The following ZNF277 variants were observed in gnomAD, a reference collection of about 807,000 sequenced individuals.
ZNF277 encodes the protein zinc finger protein 277.
ZNF277 carries 55 observed loss-of-function variants against 60.7 expected under a neutral mutation model. The ratio of observed to expected loss-of-function variants is 0.91; its 90% CI spans 0.73 to 1.13. The LOEUF is 1.13. ZNF277 is among the 50% of genes most tolerant of loss of function. The pLI, the probability that ZNF277 is intolerant of heterozygous loss-of-function variation, is 0.00. For synonymous variants in ZNF277, 178 were observed against 179.3 expected (o/e 0.99, Z 0.06); for missense variants, 510 against 523.0 (o/e 0.98, Z 0.24).
intron 7 of ZNF277, 121 bp downstream of exon 7, chr7:112,330,337 C>T (rs1414195664): frequency 7.7e-6 from 7 of 912,700 alleles, no homozygotes; most frequent in African/African-American, 3.3e-5. Flanking sequence ...TTGAGGGGCA[C>T]ATTCAAGTAG....
intron 4 of ZNF277, among the ~76,000 whole-genome samples, chr7:112,297,359 G>T (rs1056610153): frequency 1.3e-5 from 2 of 151,970 alleles, no homozygotes; most frequent in African/African-American, 4.8e-5. Context: ...TGTTCCTTTA[G>T]TGATTTCTTG....
At chr7:112,218,359 A>G (rs1331850338) in intron 1 of ZNF277, among the ~76,000 whole-genome samples, 1 of 152,190 alleles carries the variant, frequency 6.6e-6, no homozygotes, top group Non-Finnish European at 1.5e-5. Flanking sequence ...GAATTTTTTA[A>G]TTGACAACTA....
At chr7:112,240,713 T>G (rs1408715773) in intron 1 of ZNF277, among the ~76,000 whole-genome samples, 1 of 152,104 alleles carries the variant, frequency 6.6e-6, no homozygotes, top group Non-Finnish European at 1.5e-5. Context: ...ACATTTACAG[T>G]GAACTCATTT....
chr7:112,329,018 G>C (rs1793166636), intron 6 of ZNF277, among the ~76,000 whole-genome samples: 1 of 152,054 alleles, frequency 6.6e-6, no homozygotes, highest in African/African-American at 2.4e-5. Context: ...AAGACCAGAT[G>C]TGCCTTCTAG....
intron 1 of ZNF277, among the ~76,000 whole-genome samples, chr7:112,219,175 C>T (rs78430270): frequency 0.012 from 1,897 of 152,250 alleles, 17 homozygotes; most frequent in Middle Eastern, 0.048. Flanking sequence ...GATATCTCTT[C>T]ATGATTTTAA....
intron 1 of ZNF277, among the ~76,000 whole-genome samples, chr7:112,258,020 C>G (rs1791362567): frequency 6.6e-6 from 1 of 151,886 alleles, no homozygotes; most frequent in Non-Finnish European, 1.5e-5. Context: ...GCTATGTTAC[C>G]CAGGCTGGCA....
At chr7:112,338,853 T>C (rs1028995401) in intron 9 of ZNF277, among the ~76,000 whole-genome samples, 2 of 152,206 alleles carry the variant, frequency 1.3e-5, no homozygotes, top group African/African-American at 4.8e-5. Context: ...CTCTGCTGGG[T>C]CACTTTCAGT....
rs1234740820 is a variant in ZNF277, at chr7:112,213,382, A to G, written c.91+6575A>G. Among the ~76,000 whole-genome samples, 8 of 152,196 alleles carry G rather than the reference A, an allele frequency of 5.3e-5. No individual in the cohort carries two copies. In the East Asian group the frequency reaches 1.5e-3, roughly 29 times the overall value. ...TAATACATTTTGTATAAGGTTCTGA[A>G]GAGGCCTTATTTAAAGCATTCTTTT... On this transcript the variant is annotated intron_variant, in intron 1 of 11. Coordinates refer to ENST00000361822, the MANE Select transcript of ZNF277 (RefSeq NM_021994.3).
chr7:112,231,084 G>A (rs1822314425), intron 1 of ZNF277, among the ~76,000 whole-genome samples: 1 of 152,026 alleles, frequency 6.6e-6, no homozygotes, highest in South Asian at 2.1e-4. Context: ...CGTGGTGGCA[G>A]GCACCTATAA....
In ZNF277 at chr7:112,322,502, G is replaced by T. The variant is rs535372671; in HGVS notation, c.557+4229G>T. Among the ~76,000 whole-genome samples, 11 of 150,738 alleles carry T rather than the reference G, an allele frequency of 7.3e-5. No homozygotes were observed. The South Asian group carries it at 1.9e-3, about 26-fold the overall frequency. ...ACTTTAAAATCCAAAATTTCTATTG[G>T]TTGTCTTTTTAAAAAAAATACTTTC... On this transcript the variant is annotated intron_variant, in intron 5 of 11. Transcript: ENST00000361822.
chr7:112,298,066 T>C (rs1307736311), intron 4 of ZNF277, among the ~76,000 whole-genome samples: 1 of 152,210 alleles, frequency 6.6e-6, no homozygotes, highest in Non-Finnish European at 1.5e-5. Flanking sequence ...AATCCATACA[T>C]GCTCGTTGAA....
At position 112,341,020 on chromosome 7, in the gene ZNF277, C is replaced by T. The variant is rs570761505; in HGVS notation, c.1158C>T (p.Pro386=). ...MEETKHTSLL[P]DRKTWDQLEY... ...AAACTAAACACACTTCGCTGCTCCCCGATAGAAAGACGTGGGATCAACTGG... is the reference window on the plus strand; with the variant it reads ...AAACTAAACACACTTCGCTGCTCCCTGATAGAAAGACGTGGGATCAACTGG... The change falls in exon 11 of 12, where the codon CCC becomes CCT. Residue 386 remains proline (P), a synonymous_variant. Coordinates refer to ENST00000361822, the MANE Select transcript of ZNF277 (RefSeq NM_021994.3). 164 of 1,599,964 alleles carry T rather than the reference C, an allele frequency of 1.0e-4. 5 individuals are homozygous for T. Among genetic ancestry groups the T allele is most frequent in the South Asian group, 9.4e-4 (81 of 86,542 alleles).
chr7:112,270,301 T>C (rs1171735523), intron 1 of ZNF277, among the ~76,000 whole-genome samples: 1 of 152,140 alleles, frequency 6.6e-6, no homozygotes, highest in Non-Finnish European at 1.5e-5. Flanking sequence ...GGTATAGACC[T>C]CTGTCAGTCA....
chr7:112,277,538 G>A (rs1276563082), intron 1 of ZNF277, among the ~76,000 whole-genome samples: 2 of 152,230 alleles, frequency 1.3e-5, no homozygotes, highest in East Asian at 3.9e-4. Flanking sequence ...AATTCGATCT[G>A]TCTTGTCTAA....
At chr7:112,302,949 C>CTTTT (rs34593342) in intron 4 of ZNF277, among the ~76,000 whole-genome samples, 6 of 132,898 alleles carry the variant, frequency 4.5e-5, no homozygotes, top group African/African-American at 1.4e-4. Flanking sequence ...GCAAATAGGC[C>CTTTT]TTTTTTTTTT....
chr7:112,296,921 T>TATTTA (rs1277697346), intron 4 of ZNF277, among the ~76,000 whole-genome samples: 6 of 72,632 alleles, frequency 8.3e-5, no homozygotes, highest in Non-Finnish European at 1.5e-4. Flanking sequence ...TATTTTTTTT[T>TATTTA]TTTTTTTTTT....
intron 1 of ZNF277, among the ~76,000 whole-genome samples, chr7:112,268,788 G>C (rs930696482): frequency 3.3e-5 from 5 of 151,964 alleles, no homozygotes; most frequent in Non-Finnish European, 5.9e-5. Flanking sequence ...ATTTTTTTAA[G>C]ATTACTGATT....
chr7:112,338,641 G>A (rs1339809732), intron 9 of ZNF277, among the ~76,000 whole-genome samples: 1 of 151,994 alleles, frequency 6.6e-6, no homozygotes, highest in Admixed American at 6.6e-5. Context: ...GTAAAATAAG[G>A]GCCTAGAAAG....
chr7:112,266,335 C>T (rs1791549773), intron 1 of ZNF277, among the ~76,000 whole-genome samples: 1 of 151,890 alleles, frequency 6.6e-6, no homozygotes, highest in Admixed American at 6.6e-5. Flanking sequence ...TTATTAGAGA[C>T]AGGGTTTCGC....
Sources: gnomAD v4.1 joint callset for allele counts (sites outside exome capture counted in the v4.1 genomes callset) on GRCh38, gnomAD v4.1.1 for gene constraint, MANE v1.5 for transcripts, NCBI Gene and HGNC (gene_info 2026-07-23, HGNC 2026-07-21) for gene names.